PARPBP: variants seen among roughly 807,000 people sequenced by gnomAD.
The protein encoded by PARPBP is PCNA-interacting partner.
A neutral mutation model predicts 50.0 loss-of-function variants in PARPBP; 52 were observed. The ratio of observed to expected loss-of-function variants is 1.04; its 90% confidence interval spans 0.83 to 1.31. The LOEUF is 1.31. PARPBP is among the 50% of genes most tolerant of loss of function. PARPBP has a pLI of 0.00. For missense variants in PARPBP, 697 were observed against 672.0 expected (o/e 1.04, Z -0.41); for synonymous variants, 244 against 232.1 (o/e 1.05, Z -0.47).
intron 2 of PARPBP, among the ~76,000 whole-genome samples, chr12:102,126,525 G>A (rs1177149547): frequency 2.0e-5 from 3 of 152,180 alleles, no homozygotes; most frequent in South Asian, 2.1e-4. Context: ...TGTGGCTCAC[G>A]CCTGTAATCC....
chr12:102,151,402 T>C (rs1886181177), intron 3 of PARPBP, among the ~76,000 whole-genome samples: 1 of 152,156 alleles, frequency 6.6e-6, no homozygotes, highest in Non-Finnish European at 1.5e-5. Flanking sequence ...TTCTTTGTGA[T>C]GAGAAGGCCA....
chr12:102,193,226 A>T lies in PARPBP; in HGVS notation c.1264-2086A>T, dbSNP rs1034995874. On this transcript the variant is annotated intron_variant, in intron 9 of 10. Coordinates refer to ENST00000327680, the MANE Select transcript of PARPBP (RefSeq NM_017915.5). ...AGCAAGCAAAGATTTTTTTACCTAG[A>T]CTATATGTTAAAAATTAATAAAAGT... Among the ~76,000 whole-genome samples the T allele has an allele frequency of 9.9e-5, 15 of 152,046 alleles. 1 individual carries two copies. The highest frequency in any genetic ancestry group is 1.9e-4 in the Non-Finnish European group (13 of 67,964).
chr12:102,196,788 A>T lies in PARPBP; in HGVS notation c.*497A>T, dbSNP rs1273642453. 1 of 1,176,344 alleles carries T rather than the reference A, an allele frequency of 8.5e-7. No individual in the cohort carries two copies. The highest frequency in any genetic ancestry group is 1.5e-5 in the African/African-American group (1 of 65,230). The allele number at this position is 1,176,344 out of a possible 1,614,324, so 72.9% of individuals were successfully genotyped here. Reference sequence around the variant, plus strand: ...AGAAAAAAAGAATGGATCTAGTATAACTAATTCTGAGTAAACCAAAATGAT... The same window carrying T: ...AGAAAAAAAGAATGGATCTAGTATATCTAATTCTGAGTAAACCAAAATGAT... On this transcript the variant is annotated 3_prime_UTR_variant, in exon 11 of 11. Coordinates refer to ENST00000327680, the MANE Select transcript of PARPBP (RefSeq NM_017915.5).
intron 2 of PARPBP, among the ~76,000 whole-genome samples, chr12:102,126,650 A>G (rs1882039785): frequency 6.6e-6 from 1 of 152,174 alleles, no homozygotes; most frequent in Non-Finnish European, 1.5e-5. Context: ...AGCTGGGCGT[A>G]GTGGTAGGCG....
rs543175078 is a variant in PARPBP, at chr12:102,195,983, A to G, written c.1432A>G (p.Ile478Val). 15 of 1,605,772 alleles carry G rather than the reference A, an allele frequency of 9.3e-6. No homozygotes were observed. Among genetic ancestry groups the G allele is most frequent in the East Asian group, 2.2e-5 (1 of 44,734 alleles). ...AAATCCATCTGTTGGAAGATCAACA[A>G]TTGGAACGAGTTTTGGAAATGTTCA... Reference protein sequence around the residue: ...GVNPSVGRSTIGTSFGNVHLD... With the variant: ...GVNPSVGRSTVGTSFGNVHLD... Residue 478 changes from isoleucine (I) to valine (V), a missense_variant, in exon 11 of 11, where the codon ATT becomes GTT. Coordinates refer to ENST00000327680, the MANE Select transcript of PARPBP (RefSeq NM_017915.5).
intron 8 of PARPBP, among the ~76,000 whole-genome samples, chr12:102,180,406 A>G (rs1889710456): frequency 1.3e-5 from 2 of 152,184 alleles, no homozygotes; most frequent in African/African-American, 4.8e-5. Flanking sequence ...TCCATTTTAA[A>G]AAGGAATCTT....
At chr12:102,169,167 T>A (rs951437146) in intron 6 of PARPBP, among the ~76,000 whole-genome samples, 1 of 152,210 alleles carries the variant, frequency 6.6e-6, no homozygotes, top group African/African-American at 2.4e-5. Flanking sequence ...ACTTGTGATC[T>A]TCTAATTATC....
At chr12:102,146,106 G>A (rs1885308838) in intron 2 of PARPBP, among the ~76,000 whole-genome samples, 1 of 152,146 alleles carries the variant, frequency 6.6e-6, no homozygotes, top group Non-Finnish European at 1.5e-5. Flanking sequence ...CTCATGGGTA[G>A]GAAGAATCAA....
intron 2 of PARPBP, among the ~76,000 whole-genome samples, chr12:102,126,407 A>G (rs1485898211): frequency 6.6e-6 from 1 of 151,982 alleles, no homozygotes; most frequent in Non-Finnish European, 1.5e-5. Context: ...TCTATTTTCT[A>G]CTGTAGTTTT....
rs1250115760 is a variant in PARPBP at position 102,196,042 on chromosome 12, A to G, written c.1491A>G (p.Arg497=). The change falls in exon 11 of 11, where the codon AGA becomes AGG. Residue 497 remains arginine, a synonymous_variant. Coordinates refer to ENST00000327680, the MANE Select transcript of PARPBP (RefSeq NM_017915.5). The part of the protein sequence containing the change: ...LDRSKNEKVS[R]KSTSQTGNKS... ...GAAGTAAAAATGAAAAAGTATCAAGAAAATCAACCAGTCAGACAGGAAATA... is the reference window on the plus strand; with the variant it reads ...GAAGTAAAAATGAAAAAGTATCAAGGAAATCAACCAGTCAGACAGGAAATA... 3.1e-6 allele frequency: 5 copies of G among 1,611,704 alleles called. No homozygotes were observed. The highest frequency in any genetic ancestry group is 1.7e-4 in the Middle Eastern group (1 of 6,054).
chr12:102,150,251 T>C (rs901201966), intron 3 of PARPBP: 2 of 455,256 alleles, frequency 4.4e-6, no homozygotes, highest in East Asian at 6.9e-5. Flanking sequence ...TCTGATACTA[T>C]TGTTTGTTCT....
At chr12:102,127,873 T>C (rs1437778962) in intron 2 of PARPBP, among the ~76,000 whole-genome samples, 1 of 152,176 alleles carries the variant, frequency 6.6e-6, no homozygotes, top group Non-Finnish European at 1.5e-5. Context: ...CTTAGACAAA[T>C]CACTTAATTT....
chr12:102,159,276 C>T (rs1446161390), intron 4 of PARPBP, among the ~76,000 whole-genome samples: 3 of 83,642 alleles, frequency 3.6e-5, no homozygotes, highest in Non-Finnish European at 4.9e-5. Flanking sequence ...GATTACAGGC[C>T]GTGCCACCAC....
chr12:102,142,292 G>GTGCA (rs1369723622), intron 2 of PARPBP, among the ~76,000 whole-genome samples: 2 of 152,064 alleles, frequency 1.3e-5, no homozygotes, highest in African/African-American at 4.8e-5. Context: ...ACTGAAGCTT[G>GTGCA]TGCATGCATC....
chr12:102,126,113 T>G (rs1881950627), intron 2 of PARPBP, among the ~76,000 whole-genome samples: 1 of 152,214 alleles, frequency 6.6e-6, no homozygotes, highest in Non-Finnish European at 1.5e-5. Context: ...GGAGACATAT[T>G]AAGAGTGTTG....
At chr12:102,128,770 C>T (rs1882405392) in intron 2 of PARPBP, among the ~76,000 whole-genome samples, 1 of 152,144 alleles carries the variant, frequency 6.6e-6, no homozygotes. Flanking sequence ...CTATTGTGAA[C>T]AATGCAGCAA....
At chr12:102,155,600 G>GGA (rs1555216786) in intron 4 of PARPBP, among the ~76,000 whole-genome samples, 4 of 125,360 alleles carry the variant, frequency 3.2e-5, no homozygotes, top group Non-Finnish European at 6.8e-5. Flanking sequence ...ATGGTGGGGG[G>GGA]GGGGGGCGGG....
chr12:102,196,332 C>CTAA lies in PARPBP; in HGVS notation c.*41_*42insTAA. On this transcript the variant is annotated 3_prime_UTR_variant, in exon 11 of 11. Coordinates refer to ENST00000327680, the MANE Select transcript of PARPBP (RefSeq NM_017915.5). ...GCTTTAGGTTTATGTATCTATAAAC[C>CTAA]ATTCACCAAAGACATGCTTAATTTT... 1.6e-6 allele frequency: 2 copies of CTAA among 1,268,928 alleles called. No homozygotes were observed. The highest frequency in any genetic ancestry group is 2.2e-6 in the Non-Finnish European group (2 of 909,776). 78.6% of individuals were successfully genotyped at this position (1,268,928 alleles called of 1,614,324 possible). A position where few individuals can be genotyped will look rare whatever the true frequency, so the allele number is the denominator to read the frequency against.
chr12:102,173,683 A>G (rs1315155312), intron 6 of PARPBP, among the ~76,000 whole-genome samples: 1 of 151,886 alleles, frequency 6.6e-6, no homozygotes, highest in Non-Finnish European at 1.5e-5. Flanking sequence ...GAAAGGTTCA[A>G]ACTGAATGTG....
Sources: allele counts gnomAD v4.1 joint callset (sites outside exome capture counted in the v4.1 genomes callset), GRCh38; gene constraint gnomAD v4.1.1; transcripts MANE v1.5; gene names NCBI Gene and HGNC (gene_info 2026-07-23, HGNC 2026-07-21).